Variants in NEUROD4 observed in about 807,000 individuals in gnomAD.
NEUROD4 encodes neuronal differentiation 4, also known as neurogenic differentiation factor 4.
Under a neutral mutation model 19.8 loss-of-function variants are expected in NEUROD4, and 16 were observed. The ratio of observed to expected loss-of-function variants is 0.81; its 90% confidence interval spans 0.55 to 1.23. The LOEUF is 1.23. Ranked by LOEUF, NEUROD4 falls within the 50% of genes most tolerant of loss-of-function variation. The pLI is 0.00. For missense variants in NEUROD4, 439 were observed against 398.6 expected, an observed-to-expected ratio of 1.10 and a Z score of -0.86; for synonymous variants, 153 against 147.9, an observed-to-expected ratio of 1.03 and a Z score of -0.25.
At chr12:55,021,973 T>C (rs1024227228) in intron 1 of NEUROD4, among the ~76,000 whole-genome samples, 4 of 152,140 alleles carry the variant, frequency 2.6e-5, no homozygotes, top group Admixed American at 2.6e-4. Context: ...CTTAAGATGG[T>C]ATATCATGAT....
chr12:55,027,900 A>T lies in NEUROD4; in HGVS notation c.*465A>T, dbSNP rs1478462675. 5.9e-6 allele frequency: 1 copy of T among 169,412 alleles called. No homozygotes were observed. Among genetic ancestry groups the T allele is most frequent in the African/African-American group, 2.4e-5 (1 of 41,514 alleles). 10.5% of individuals were successfully genotyped at this position (169,412 alleles called of 1,614,324 possible). A position where few individuals can be genotyped will look rare whatever the true frequency, so the allele number is the denominator to read the frequency against. On this transcript the variant is annotated 3_prime_UTR_variant, in exon 2 of 2. Transcript: ENST00000242994. ...CACTCTTGACAATTTCTTGAAACTG[A>T]AAGAATAGAGAAATAATAGGAAAGG...
Position 55,026,653 on chromosome 12 carries a change from C to T in NEUROD4, c.214C>T (p.Pro72Ser), listed in dbSNP as rs747252458. Residue 72 changes from proline to serine, a missense_variant, in exon 2 of 2, where the codon CCC becomes TCC. Coordinates refer to ENST00000242994, the MANE Select transcript of NEUROD4 (RefSeq NM_021191.3). Reference protein sequence around the residue: ...EDGEKPKRRGPKKKKMTKARL... With the variant: ...EDGEKPKRRGSKKKKMTKARL... ...TGGGGAGAAACCTAAGAGAAGGGGT[C>T]CCAAGAAAAAGAAGATGACCAAAGC... The T allele has an allele frequency of 6.2e-7, 1 of 1,613,790 alleles. No individual in the cohort carries two copies. Among genetic ancestry groups the T allele is most frequent in the Non-Finnish European group, 8.5e-7 (1 of 1,179,868 alleles).
chr12:55,025,503 A>G (rs1952718264), intron 1 of NEUROD4, among the ~76,000 whole-genome samples: 2 of 152,212 alleles, frequency 1.3e-5, no homozygotes, highest in South Asian at 4.1e-4. Context: ...TGACAGTGTG[A>G]GATGCATGTG....
At chr12:55,024,919 G>C (rs1952710358) in intron 1 of NEUROD4, among the ~76,000 whole-genome samples, 1 of 152,180 alleles carries the variant, frequency 6.6e-6, no homozygotes, top group Non-Finnish European at 1.5e-5. Context: ...CCAATTACCA[G>C]AAACAAATCA....
At position 55,026,109 on chromosome 12, in the gene NEUROD4, G is replaced by A. The variant is rs554647759; in HGVS notation, c.-9-322G>A. Among the ~76,000 whole-genome samples, 9 of 151,808 alleles carry A rather than the reference G, an allele frequency of 5.9e-5. No individual in the cohort carries two copies. The East Asian group carries it at 1.4e-3, about 23-fold the overall frequency. ...ACTCACCTCATTTTTTCCCTTTTAT[G>A]TTCTGGATTCTGGAAAGAAAGAAAA... is the stretch of plus-strand genomic sequence containing the variant. On this transcript the variant is annotated intron_variant, in intron 1 of 1. Coordinates refer to ENST00000242994, the MANE Select transcript of NEUROD4 (RefSeq NM_021191.3).
Position 55,027,568 on chromosome 12 carries a change from C to G in NEUROD4, c.*133C>G. On this transcript the variant is annotated 3_prime_UTR_variant, in exon 2 of 2. Coordinates refer to ENST00000242994, the MANE Select transcript of NEUROD4 (RefSeq NM_021191.3). ...AAACAATAGTTCAAGTCCATTTAGG[C>G]TTTCCTTCACCTATCACCTCTTTTC... 1.2e-6 allele frequency: 1 copy of G among 833,848 alleles called. No individual in the cohort carries two copies. The highest frequency in any genetic ancestry group is 1.9e-6 in the Non-Finnish European group (1 of 522,976). 51.7% of individuals were successfully genotyped at this position (833,848 alleles called of 1,614,324 possible). A position where few individuals can be genotyped will look rare whatever the true frequency, so the allele number is the denominator to read the frequency against.
chr12:55,027,391 C>T lies in NEUROD4; in HGVS notation c.952C>T (p.His318Tyr), dbSNP rs371227002. The T allele has an allele frequency of 2.4e-5, 39 of 1,613,368 alleles. No homozygotes were observed. The highest frequency in any genetic ancestry group is 3.3e-5 in the Non-Finnish European group (39 of 1,179,528). The change falls in exon 2 of 2, where the codon CAT (histidine) becomes TAT (tyrosine). Residue 318 changes from histidine to tyrosine, a missense_variant. By Grantham distance (83) the His-to-Tyr change is moderately conservative. Transcript: ENST00000242994. Reference sequence around the variant, plus strand: ...AGACATGTCCTATGATTCCTACCCCCATCATGGTATTGGGACCCAACTCAA... The same window carrying T: ...AGACATGTCCTATGATTCCTACCCCTATCATGGTATTGGGACCCAACTCAA... ...PIDMSYDSYP[H>Y]HGIGTQLNTV...
rs1180512779 is a variant in NEUROD4, at chr12:55,027,305, G to A, written c.866G>A (p.Ser289Asn). 2.5e-6 allele frequency: 4 copies of A among 1,614,082 alleles called. No homozygotes were observed. The South Asian group carries it at 4.4e-5, about 18-fold the overall frequency. ...FMPHYPSSSL[S>N]SGHVHSTPFQ... ...CCACATTACCCTTCTTCAAGTCTAA[G>A]CTCAGGGCATGTGCATTCAACTCCT... The change falls in exon 2 of 2, where the codon AGC becomes AAC. Residue 289 changes from serine (S) to asparagine (N), a missense_variant. Transcript: ENST00000242994.
At position 55,028,476 on chromosome 12, in the gene NEUROD4, C is replaced by G. The variant is rs1027759551; in HGVS notation, c.*1041C>G. On this transcript the variant is annotated 3_prime_UTR_variant, in exon 2 of 2. Transcript: ENST00000242994. ...TAGTTCAGGGACTCTCTCCAGCTCA[C>G]AGTTGCCCATGGGAAAAACCAATGG... 6.0e-6 allele frequency: 1 copy of G among 167,148 alleles called. No homozygotes were observed. Among genetic ancestry groups the G allele is most frequent in the African/African-American group, 2.4e-5 (1 of 41,564 alleles). 10.4% of individuals were successfully genotyped at this position (167,148 alleles called of 1,614,324 possible). A position where few individuals can be genotyped will look rare whatever the true frequency, so the allele number is the denominator to read the frequency against.
Position 55,026,815 on chromosome 12 carries a change from A to C in NEUROD4, c.376A>C (p.Ile126Leu). The C allele has an allele frequency of 6.2e-7, 1 of 1,614,166 alleles. No individual in the cohort carries two copies. Among genetic ancestry groups the C allele is most frequent in the Non-Finnish European group, 8.5e-7 (1 of 1,180,010 alleles). ...CYSKTQKLSK[I>L]ETLRLARNYI... ...CTCTAAAACCCAAAAACTTTCCAAG[A>C]TAGAGACTCTTAGACTGGCCAGGAA... The change falls in exon 2 of 2, where the codon ATA becomes CTA. Residue 126 changes from isoleucine (I) to leucine (L), a missense_variant. By Grantham distance (5) the Ile-to-Leu change is conservative (BLOSUM62 2). Transcript: ENST00000242994.
Position 55,027,493 on chromosome 12 carries a change from G to T in NEUROD4, c.*58G>T. 6.7e-7 allele frequency: 1 copy of T among 1,493,580 alleles called. No homozygotes were observed. Among genetic ancestry groups the T allele is most frequent in the Non-Finnish European group, 9.0e-7 (1 of 1,106,350 alleles). The allele number at this position is 1,493,580 out of a possible 1,614,324, so 92.5% of individuals were successfully genotyped here. On this transcript the variant is annotated 3_prime_UTR_variant, in exon 2 of 2. Transcript: ENST00000242994. ...TGGAGACATTTTCCATAATTCAAGT[G>T]GTTGAGCTAAAGATTCAATGACCTT...
chr12:55,022,249 A>G (rs1952678224), intron 1 of NEUROD4, among the ~76,000 whole-genome samples: 1 of 152,118 alleles, frequency 6.6e-6, no homozygotes, highest in Non-Finnish European at 1.5e-5. Context: ...CTTTCAGTAC[A>G]CCTGTGAGAT....
Position 55,027,641 on chromosome 12 carries a change from G to GA in NEUROD4, c.*210dup. Reference sequence around the variant, plus strand: ...TGATTTCTTTATAGAGTCCTCAAGTGAAAATATTTGATGATTTAACAACCA... The same window carrying GA: ...TGATTTCTTTATAGAGTCCTCAAGTGAAAAATATTTGATGATTTAACAACCA... On this transcript the variant is annotated 3_prime_UTR_variant, in exon 2 of 2. Transcript: ENST00000242994. The GA allele has an allele frequency of 2.0e-6, 1 of 492,714 alleles. No individual in the cohort carries two copies. Among genetic ancestry groups the GA allele is most frequent in the Non-Finnish European group, 3.6e-6 (1 of 275,274 alleles). The allele number at this position is 492,714 out of a possible 1,614,324, so 30.5% of individuals were successfully genotyped here. A position where few individuals can be genotyped will look rare whatever the true frequency, so the allele number is the denominator to read the frequency against.
intron 1 of NEUROD4, among the ~76,000 whole-genome samples, chr12:55,024,876 A>C (rs544976943): frequency 7.4e-4 from 112 of 152,366 alleles, no homozygotes; most frequent in African/African-American, 2.6e-3. Flanking sequence ...AATTATTTAT[A>C]GGAGGTAAAT....
In NEUROD4 at chr12:55,027,251, C is replaced by A. The variant is rs1466778079; in HGVS notation, c.812C>A (p.Pro271His). 2 of 1,614,006 alleles carry A rather than the reference C, an allele frequency of 1.2e-6. No homozygotes were observed. The highest frequency in any genetic ancestry group is 1.3e-5 in the African/African-American group (1 of 74,934). ...TTCTCCTTGAAGCAAGATGGGTCTC[C>A]TGACCTAGAAAAATCCTACAGCTTC... ...GNFSLKQDGS[P>H]DLEKSYSFMP... Residue 271 changes from proline to histidine, a missense_variant, in exon 2 of 2, where the codon CCT becomes CAT. By Grantham distance (77) the Pro-to-His change is moderately conservative. Transcript: ENST00000242994.
At chr12:55,022,257 G>T (rs1532833) in intron 1 of NEUROD4, among the ~76,000 whole-genome samples, 55,724 of 151,832 alleles carry the variant, frequency 0.37, 10,933 homozygotes, top group African/African-American at 0.49. Flanking sequence ...ACACCTGTGA[G>T]ATGGTTCCTT....
chr12:55,026,517 C>G lies in NEUROD4; in HGVS notation c.78C>G (p.Gly26=). 6 of 1,613,972 alleles carry G rather than the reference C, an allele frequency of 3.7e-6. No homozygotes were observed. Among genetic ancestry groups the G allele is most frequent in the Non-Finnish European group, 5.1e-6 (6 of 1,179,950 alleles). The change falls in exon 2 of 2, where the codon GGC becomes GGG. Residue 26 remains glycine, a synonymous_variant. Transcript: ENST00000242994. ...NTPSWMDKGL[G]SQNEVKEEES... ...CATCCTGGATGGATAAAGGTCTGGG[C>G]TCCCAAAATGAGGTGAAGGAGGAAG...
intron 1 of NEUROD4, 24 bp downstream of exon 1, chr12:55,020,337 AG>A (rs1433102008): frequency 6.6e-6 from 1 of 152,222 alleles, no homozygotes; most frequent in Admixed American, 6.5e-5. Context: ...TGGGGTGGTA[AG>A]GGGGCTAAAG....
At chr12:55,020,503 T>G (rs927176796) in intron 1 of NEUROD4, among the ~76,000 whole-genome samples, 190 bp downstream of exon 1, 6 of 152,180 alleles carry the variant, frequency 3.9e-5, no homozygotes, top group Non-Finnish European at 8.8e-5. Flanking sequence ...TTAAATAATT[T>G]TATTAAATTT....
Sources: allele counts gnomAD v4.1 joint callset (sites outside exome capture counted in the v4.1 genomes callset), GRCh38; gene constraint gnomAD v4.1.1; transcripts MANE v1.5; gene names NCBI Gene and HGNC (gene_info 2026-07-23, HGNC 2026-07-21).